Variants in LSAMP observed in about 807,000 individuals in gnomAD.
LSAMP encodes the protein limbic system associated membrane protein.
Under a neutral mutation model 38.6 loss-of-function variants are expected in LSAMP, and 7 were observed. The observed-to-expected ratio is 0.18, with a 90% CI of 0.10 to 0.34. LSAMP has a LOEUF of 0.34. Ranked by LOEUF, LSAMP falls within the 10% of genes least tolerant of loss-of-function variation. LSAMP has a pLI of 1.00. For synonymous variants in LSAMP, 154 were observed against 166.8 expected (o/e 0.92, Z 0.59); for missense variants, 313 against 420.0 (o/e 0.75, Z 2.23).
intron 3 of LSAMP, among the ~76,000 whole-genome samples, chr3:115,936,240 T>G (rs1156406714): frequency 6.6e-6 from 1 of 152,180 alleles, no homozygotes; most frequent in Non-Finnish European, 1.5e-5. Context: ...AGGGACTAGA[T>G]TTCATGTGGA....
intron 3 of LSAMP, among the ~76,000 whole-genome samples, chr3:115,931,428 G>T (rs1038750047): frequency 6.6e-6 from 1 of 152,156 alleles, no homozygotes; most frequent in African/African-American, 2.4e-5. Flanking sequence ...TAATGAGATT[G>T]TTCCACAAAG....
intron 1 of LSAMP, among the ~76,000 whole-genome samples, chr3:116,366,147 T>A (rs1333985404): frequency 1.3e-5 from 2 of 148,954 alleles, no homozygotes; most frequent in Non-Finnish European, 3.0e-5. Flanking sequence ...ATATCCAGAG[T>A]CTATAAGGAA....
At chr3:116,286,369 C>A (rs1267600130) in intron 1 of LSAMP, among the ~76,000 whole-genome samples, 1 of 152,150 alleles carries the variant, frequency 6.6e-6, no homozygotes, top group African/African-American at 2.4e-5. Flanking sequence ...CTGGGGTTAA[C>A]AGGGTTTCCT....
intron 3 of LSAMP, among the ~76,000 whole-genome samples, chr3:115,876,853 C>T (rs1253619455): frequency 3.3e-5 from 5 of 152,148 alleles, no homozygotes; most frequent in South Asian, 2.1e-4. Context: ...TGAGAAGACA[C>T]GGATAGTTCT....
chr3:116,131,151 T>C (rs938385965), intron 1 of LSAMP, among the ~76,000 whole-genome samples: 1 of 151,912 alleles, frequency 6.6e-6, no homozygotes, highest in Non-Finnish European at 1.5e-5. Context: ...CCACCTCGCC[T>C]GGCTAATTTT....
At chr3:116,434,261 T>C (rs1331818839) in intron 1 of LSAMP, among the ~76,000 whole-genome samples, 2 of 152,192 alleles carry the variant, frequency 1.3e-5, no homozygotes, top group Non-Finnish European at 2.9e-5. Context: ...CATCTTTCTC[T>C]GTTCAATTCA....
At chr3:116,435,511 C>A (rs779886529) in intron 1 of LSAMP, among the ~76,000 whole-genome samples, 9 of 152,196 alleles carry the variant, frequency 5.9e-5, no homozygotes, top group Non-Finnish European at 1.0e-4. Flanking sequence ...CTGCCTCCAC[C>A]TCTCACTCTC....
intron 2 of LSAMP, among the ~76,000 whole-genome samples, chr3:116,061,901 T>A (rs1485206934): frequency 1.3e-5 from 2 of 152,338 alleles, no homozygotes; most frequent in East Asian, 1.9e-4. Context: ...AGGATATTAT[T>A]GCTATTTCCA....
At chr3:115,948,041 C>A (rs78979525) in intron 3 of LSAMP, among the ~76,000 whole-genome samples, 3,567 of 152,214 alleles carry the variant, frequency 0.023, 131 homozygotes, top group African/African-American at 0.08. Context: ...TCTTATTACC[C>A]TAGCATGAGA....
In LSAMP at chr3:115,859,948, G is replaced by T. The variant is rs1051420021; in HGVS notation, c.515-7331C>A. Among the ~76,000 whole-genome samples, 4 of 152,170 alleles carry T rather than the reference G, an allele frequency of 2.6e-5. No individual in the cohort carries two copies. In the East Asian group the frequency reaches 7.7e-4, roughly 29 times the overall value. ...ACTGCCCTGCCCTTCTAAATGTGAT[G>T]CTTGAAGTCAGAATCCCCTATATTT... On this transcript the variant is annotated intron_variant, in intron 3 of 6. Transcript: ENST00000490035.
At chr3:116,037,455 TTC>T (rs1941071444) in intron 2 of LSAMP, among the ~76,000 whole-genome samples, 1 of 152,046 alleles carries the variant, frequency 6.6e-6, no homozygotes, top group Admixed American at 6.6e-5. Flanking sequence ...GCCCCATACT[TTC>T]TCTGACTCTC....
Position 115,852,515 on chromosome 3 carries a change from G to A in LSAMP, c.617C>T (p.Ala206Val), listed in dbSNP as rs765460014. Residue 206 changes from alanine to valine, a missense_variant, in exon 4 of 7, where the codon GCG becomes GTG. By Grantham distance (64) the Ala-to-Val change is moderately conservative (BLOSUM62 0). Coordinates refer to ENST00000490035, the MANE Select transcript of LSAMP (RefSeq NM_002338.5). The stretch of plus-strand genomic sequence containing the variant: ...AGTGACCTTGACTTGTTTGACATCC[G>A]CCGAGGAGACCTCGTTGGCAGCTTT... ...ECKAANEVSS[A>V]DVKQVKVTVN... 45 of 1,613,090 alleles carry A rather than the reference G, an allele frequency of 2.8e-5. No homozygotes were observed. In the South Asian group the frequency reaches 3.2e-4, roughly 11 times the overall value.
At chr3:116,115,139 G>C (rs977429142) in intron 1 of LSAMP, among the ~76,000 whole-genome samples, 1 of 152,198 alleles carries the variant, frequency 6.6e-6, no homozygotes, top group African/African-American at 2.4e-5. Context: ...TACATTTGGG[G>C]AATTTATTTT....
At chr3:116,352,043 C>T (rs2048147786) in intron 1 of LSAMP, among the ~76,000 whole-genome samples, 1 of 152,010 alleles carries the variant, frequency 6.6e-6, no homozygotes, top group South Asian at 2.1e-4. Context: ...TCATCAGCTC[C>T]ACAGTTTGGT....
chr3:116,242,830 C>A (rs1450103056), intron 1 of LSAMP, among the ~76,000 whole-genome samples: 1 of 67,922 alleles, frequency 1.5e-5, no homozygotes, highest in Non-Finnish European at 4.6e-5. Context: ...TTACCTGCCT[C>A]ATAGATAGAA....
At chr3:116,230,734 C>A (rs139237484) in intron 1 of LSAMP, among the ~76,000 whole-genome samples, 2 of 152,166 alleles carry the variant, frequency 1.3e-5, no homozygotes, top group Admixed American at 1.3e-4. Context: ...GGCTTTTGTG[C>A]GCTGATGCAT....
At chr3:116,231,834 C>T (rs904071837) in intron 1 of LSAMP, among the ~76,000 whole-genome samples, 2 of 152,192 alleles carry the variant, frequency 1.3e-5, no homozygotes, top group Non-Finnish European at 2.9e-5. Flanking sequence ...TTATATATCT[C>T]AGTCACCCAT....
intron 1 of LSAMP, among the ~76,000 whole-genome samples, chr3:116,378,657 C>G (rs1289008290): frequency 6.6e-6 from 1 of 151,854 alleles, no homozygotes; most frequent in Non-Finnish European, 1.5e-5. Flanking sequence ...AGATACTATT[C>G]CTGATGACAT....
chr3:115,894,838 T>G (rs1446031708), intron 3 of LSAMP, among the ~76,000 whole-genome samples: 6 of 152,008 alleles, frequency 3.9e-5, no homozygotes. Context: ...GAACACATAT[T>G]ATGCATATTA....
Sources: allele counts gnomAD v4.1 joint callset (sites outside exome capture counted in the v4.1 genomes callset), GRCh38; gene constraint gnomAD v4.1.1; transcripts MANE v1.5; gene names NCBI Gene and HGNC (gene_info 2026-07-23, HGNC 2026-07-21).